The following CWH43 variants were observed in gnomAD, a reference collection of about 807,000 sequenced individuals.
CWH43 encodes the protein PGAP2-interacting protein.
In CWH43, 91 loss-of-function variants were observed where a neutral mutation model predicts 85.7. The ratio of observed to expected loss-of-function variants is 1.06; its 90% CI spans 0.90 to 1.26. CWH43 has a LOEUF of 1.26. Ranked by LOEUF, CWH43 falls within the 50% of genes most tolerant of loss-of-function variation. The pLI is 0.00. For missense variants in CWH43, 869 were observed against 839.2 expected, an observed-to-expected ratio of 1.04 and a Z score of -0.44; for synonymous variants, 323 against 293.6, an observed-to-expected ratio of 1.10 and a Z score of -1.02.
At position 49,033,154 on chromosome 4, in the gene CWH43, C is replaced by T. The variant is rs566496096; in HGVS notation, c.1658+439C>T. ...CAAGTGCTTGCAACCACACAATAAA[C>T]CAGACAACAGAAAAAGAAATTTCCT... On this transcript the variant is annotated intron_variant, in intron 12 of 15. Transcript: ENST00000226432. 3.9e-5 allele frequency among the ~76,000 whole-genome samples: 6 copies of T among 152,252 alleles called. No individual in the cohort carries two copies. In the East Asian group the frequency reaches 9.7e-4, roughly 24 times the overall value.
intron 13 of CWH43, among the ~76,000 whole-genome samples, chr4:49,039,318 T>TATATAC (rs1553916924): frequency 2.3e-4 from 7 of 31,054 alleles, no homozygotes; most frequent in Admixed American, 8.0e-4. Context: ...TATATATATA[T>TATATAC]ATATATATAT....
At chr4:48,986,989 A>G (rs1392265790) in intron 1 of CWH43, among the ~76,000 whole-genome samples, 1 of 152,226 alleles carries the variant, frequency 6.6e-6, no homozygotes, top group Non-Finnish European at 1.5e-5. Flanking sequence ...GGCGAAAAGC[A>G]TCAGACTCGA....
At chr4:49,056,700 A>G (rs1481920682) in intron 15 of CWH43, among the ~76,000 whole-genome samples, 1 of 149,140 alleles carries the variant, frequency 6.7e-6, no homozygotes, top group East Asian at 2.0e-4. Flanking sequence ...CCTTTTGTTG[A>G]CTTCAGGCTT....
In CWH43 at chr4:48,992,685, C is replaced by T. The variant is rs1577651701; in HGVS notation, c.511+595C>T. Among the ~76,000 whole-genome samples, 1 of 152,304 alleles carries T rather than the reference C, an allele frequency of 6.6e-6. No homozygotes were observed. The highest frequency in any genetic ancestry group is 1.9e-4 in the East Asian group (1 of 5,186). On this transcript the variant is annotated intron_variant, in intron 4 of 15. Coordinates refer to ENST00000226432, the MANE Select transcript of CWH43 (RefSeq NM_025087.3). This position sits in a 1 kb window ranked among gnomAD's most constrained non-coding sequence, Gnocchi z 4.3. Reference sequence around the variant, plus strand: ...GTTTGTTTCATAAACCAACCCGAGACTCTTCTAAAAAGAAGGGAGAGGTAT... The same window carrying T: ...GTTTGTTTCATAAACCAACCCGAGATTCTTCTAAAAAGAAGGGAGAGGTAT...
At chr4:49,038,801 G>A (rs1784344527) in intron 13 of CWH43, among the ~76,000 whole-genome samples, 1 of 152,100 alleles carries the variant, frequency 6.6e-6, no homozygotes, top group African/African-American at 2.4e-5. Flanking sequence ...GCTCACGCCT[G>A]TAATAACAGC....
Position 49,044,784 on chromosome 4 carries a change from A to G in CWH43, c.1804-2A>G. 1 of 1,611,644 alleles carries G rather than the reference A, an allele frequency of 6.2e-7. No individual in the cohort carries two copies. The highest frequency in any genetic ancestry group is 8.5e-7 in the Non-Finnish European group (1 of 1,178,476). On this transcript the variant is annotated splice_acceptor_variant, in intron 13 of 15. Transcript: ENST00000226432. LOFTEE classifies it high-confidence loss of function. The stretch of plus-strand genomic sequence containing the variant: ...AACATTCTCCTCTCTGCTCTTTATT[A>G]GGATATCGACAGCACTGATCATGAC...
At chr4:49,045,344 GA>G (rs1784590673) in intron 14 of CWH43, among the ~76,000 whole-genome samples, 1 of 152,082 alleles carries the variant, frequency 6.6e-6, no homozygotes, top group Non-Finnish European at 1.5e-5. Flanking sequence ...AATATTACCC[GA>G]GTATATCACA....
chr4:49,044,878 T>C (rs1424913009), intron 14 of CWH43, 31 bp downstream of exon 14: 10 of 1,573,800 alleles, frequency 6.4e-6, no homozygotes, highest in Non-Finnish European at 8.7e-6. Context: ...TTGTTTTTAA[T>C]CTATTATTAA....
chr4:49,034,947 A>G (rs1385934418), intron 12 of CWH43, among the ~76,000 whole-genome samples: 1 of 152,206 alleles, frequency 6.6e-6, no homozygotes, highest in East Asian at 1.9e-4. Context: ...CTTAAAAAAT[A>G]ATCCATTTGT....
intron 2 of CWH43, 125 bp downstream of exon 2, chr4:48,988,793 C>T (rs1782569123): frequency 1.6e-6 from 1 of 630,988 alleles, no homozygotes; most frequent in Non-Finnish European, 2.6e-6. Flanking sequence ...CTTTTCCTTA[C>T]CACTGCCTTA....
At chr4:49,043,663 A>T (rs1165296407) in intron 13 of CWH43, among the ~76,000 whole-genome samples, 1 of 152,118 alleles carries the variant, frequency 6.6e-6, no homozygotes, top group African/African-American at 2.4e-5. Flanking sequence ...CTTTATTTTT[A>T]AAATTTTTTT....
intron 8 of CWH43, among the ~76,000 whole-genome samples, chr4:49,013,667 C>T (rs1469861651): frequency 6.6e-6 from 1 of 152,112 alleles, no homozygotes; most frequent in Non-Finnish European, 1.5e-5. Flanking sequence ...TCTCTGATAT[C>T]ATGCCATTTC....
At chr4:49,006,145 G>C (rs1479601208) in intron 7 of CWH43, among the ~76,000 whole-genome samples, 35 of 151,894 alleles carry the variant, frequency 2.3e-4, no homozygotes, top group Admixed American at 2.3e-3. Context: ...CCAATGCCCT[G>C]CTTTTTTTCT....
At chr4:49,006,221 A>G (rs958753790) in intron 7 of CWH43, among the ~76,000 whole-genome samples, 9 of 152,014 alleles carry the variant, frequency 5.9e-5, no homozygotes, top group African/African-American at 2.2e-4. Flanking sequence ...TATTCCATGC[A>G]TGAGTTTGTT....
chr4:49,036,678 A>G (rs1278461829), intron 12 of CWH43, among the ~76,000 whole-genome samples: 2 of 152,154 alleles, frequency 1.3e-5, no homozygotes, highest in African/African-American at 4.8e-5. Context: ...ACTCTCAGCT[A>G]TGCATTGCAG....
At chr4:48,991,647 A>G in intron 3 of CWH43, 73 bp downstream of exon 3, 1 of 1,535,088 alleles carries the variant, frequency 6.5e-7, no homozygotes, top group Non-Finnish European at 8.9e-7. Context: ...TGGGGCCAGG[A>G]GTTCCAGGTT....
Position 49,061,842 on chromosome 4 carries a change from T to G in CWH43, c.2052T>G (p.Tyr684Ter), listed in dbSNP as rs1165046214. 7.1e-7 allele frequency: 1 copy of G among 1,398,950 alleles called. No homozygotes were observed. The highest frequency in any genetic ancestry group is 1.5e-5 in the African/African-American group (1 of 68,168). 86.7% of individuals were successfully genotyped at this position (1,398,950 alleles called of 1,614,324 possible). Reference protein sequence around the residue: ...RFGSYKEGHNYENNHHFHMNT... With the variant: ...RFGSYKEGHN ...GATCCTACAAAGAAGGACACAATTA[T>G]GAAAACAACCATCATTTTCATATGA... The change falls in exon 16 of 16, where the codon TAT becomes TAG. Residue 684 changes from tyrosine (Y) to a stop codon, truncating the protein, a stop_gained. Coordinates refer to ENST00000226432, the MANE Select transcript of CWH43 (RefSeq NM_025087.3). LOFTEE classifies it high-confidence loss of function.
At chr4:49,056,865 T>C (rs890570555) in intron 15 of CWH43, among the ~76,000 whole-genome samples, 4 of 152,336 alleles carry the variant, frequency 2.6e-5, no homozygotes, top group African/African-American at 9.6e-5. Flanking sequence ...TTTATTTGTC[T>C]CAACATAATT....
chr4:48,997,667 C>T (rs1782854881), intron 5 of CWH43, among the ~76,000 whole-genome samples: 1 of 152,142 alleles, frequency 6.6e-6, no homozygotes, highest in Non-Finnish European at 1.5e-5. Context: ...ATTCTTAGTC[C>T]TATGTGGGCT....
Sources: gnomAD v4.1 joint callset for allele counts (sites outside exome capture counted in the v4.1 genomes callset) on GRCh38, gnomAD v4.1.1 for gene constraint, Gnocchi (gnomAD v3.1) non-coding constraint, MANE v1.5 for transcripts, NCBI Gene and HGNC (gene_info 2026-07-23, HGNC 2026-07-21) for gene names.